The following SH3KBP1 variants were observed in gnomAD, a reference collection of about 807,000 sequenced individuals.
SH3KBP1 encodes SH3 domain-containing kinase-binding protein 1.
Under a neutral mutation model 50.1 loss-of-function variants are expected in SH3KBP1, and 8 were observed. That is an observed-to-expected ratio of 0.16 (90% CI 0.09 to 0.29). SH3KBP1 has a LOEUF of 0.29. Ranked by LOEUF, SH3KBP1 falls within the 10% of genes least tolerant of loss-of-function variation. The probability of loss-of-function intolerance (pLI) is 1.00; values close to 1 mark genes in which losing one functional copy is unlikely to be tolerated. For synonymous variants in SH3KBP1, 227 were observed against 218.6 expected, an observed-to-expected ratio of 1.04 and a Z score of -0.34; for missense variants, 377 against 535.2, an observed-to-expected ratio of 0.70 and a Z score of 2.92.
chrX:19,874,453 G>GT (rs1399920490), intron 1 of SH3KBP1, among the ~76,000 whole-genome samples: 1 of 71,396 alleles, frequency 1.4e-5, no homozygotes, highest in African/African-American at 5.4e-5. Context: ...AAAGTGGGGG[G>GT]GTGTGGAGGT....
chrX:19,716,563 C>A (rs1044986627), intron 3 of SH3KBP1, among the ~76,000 whole-genome samples: 1 of 111,874 alleles, frequency 8.9e-6, no homozygotes, highest in African/African-American at 3.3e-5. Context: ...AGTAGGGAAC[C>A]ATTTATTAGA....
chrX:19,824,439 T>C (rs1430169909), intron 2 of SH3KBP1, among the ~76,000 whole-genome samples: 1 of 111,367 alleles, frequency 9.0e-6, no homozygotes, highest in African/African-American at 3.3e-5. Flanking sequence ...ACCTGAACTT[T>C]TTAAAAGATT....
intron 12 of SH3KBP1, among the ~76,000 whole-genome samples, chrX:19,574,923 T>C (rs2066150774): frequency 8.9e-6 from 1 of 112,245 alleles, no homozygotes; most frequent in Non-Finnish European, 1.9e-5. Flanking sequence ...TAAGTTAAAA[T>C]GAGGCTGTTA....
At position 19,886,266 on chromosome X, in the gene SH3KBP1, A is replaced by C. The variant is rs1045785406; in HGVS notation, c.4+1041T>G. ...GCTTTCTGAACATCCTGACTAGTGTACTGGAATCCTATTACCTGAACACAG... is the reference window on the plus strand; with the variant it reads ...GCTTTCTGAACATCCTGACTAGTGTCCTGGAATCCTATTACCTGAACACAG... On this transcript the variant is annotated intron_variant, in intron 1 of 17. Transcript: ENST00000397821. 1.7e-4 allele frequency among the ~76,000 whole-genome samples: 19 copies of C among 112,224 alleles called. 1 individual carries two copies. Among genetic ancestry groups the C allele is most frequent in the Admixed American group, 1.5e-3 (16 of 10,632 alleles).
chrX:19,610,254 C>A (rs1233033999), intron 8 of SH3KBP1, among the ~76,000 whole-genome samples: 1 of 111,935 alleles, frequency 8.9e-6, no homozygotes, highest in African/African-American at 3.2e-5. Context: ...CTGCCCATGT[C>A]ACATCACCCC....
chrX:19,822,846 C>G (rs902037898), intron 2 of SH3KBP1, among the ~76,000 whole-genome samples: 3 of 112,130 alleles, frequency 2.7e-5, no homozygotes, highest in Non-Finnish European at 3.8e-5. Flanking sequence ...GCAGTTTTAA[C>G]GATAGTTTGA....
chrX:19,874,730 G>T (rs963429843), intron 1 of SH3KBP1, among the ~76,000 whole-genome samples: 1 of 102,632 alleles, frequency 9.7e-6, no homozygotes, highest in Non-Finnish European at 2.0e-5. Context: ...GGACAGTGAG[G>T]ATGCGGGGAG....
At chrX:19,791,527 C>A in intron 2 of SH3KBP1, among the ~76,000 whole-genome samples, 1 of 94,577 alleles carries the variant, frequency 1.1e-5, no homozygotes, top group Non-Finnish European at 2.0e-5. Flanking sequence ...TACAAAAATC[C>A]TAGAGAATGA....
intron 8 of SH3KBP1, among the ~76,000 whole-genome samples, chrX:19,615,302 C>T (rs758706025): frequency 8.9e-6 from 1 of 112,320 alleles, no homozygotes; most frequent in African/African-American, 3.2e-5. Flanking sequence ...ATGTATTCTG[C>T]TCAGTCACTT....
rs369001241 is a variant in SH3KBP1, at chrX:19,774,399, C to T, written c.163-27958G>A. Among the ~76,000 whole-genome samples, 9 of 110,890 alleles carry T rather than the reference C, an allele frequency of 8.1e-5. No individual in the cohort carries two copies. The South Asian group carries it at 1.1e-3, about 14-fold the overall frequency. ...TTTAAGAAACCTAAGCCGCCGGGCG[C>T]GGTGGCTCACACCTTTAATCCCAGC... On this transcript the variant is annotated intron_variant, in intron 2 of 17. Transcript: ENST00000397821.
intron 2 of SH3KBP1, among the ~76,000 whole-genome samples, chrX:19,822,256 T>C (rs1347998262): frequency 8.9e-6 from 1 of 112,295 alleles, no homozygotes. Flanking sequence ...TCAATATTGT[T>C]TATTATCATA....
intron 2 of SH3KBP1, among the ~76,000 whole-genome samples, chrX:19,790,574 G>A (rs1212671923): frequency 9.0e-6 from 1 of 111,155 alleles, no homozygotes; most frequent in Non-Finnish European, 1.9e-5. Flanking sequence ...ATACATATCT[G>A]ATCCAAGATA....
intron 2 of SH3KBP1, among the ~76,000 whole-genome samples, chrX:19,761,789 T>C (rs1030379504): frequency 1.2e-4 from 13 of 112,729 alleles, no homozygotes; most frequent in Non-Finnish European, 1.9e-4. Context: ...AAACTGTGTG[T>C]GGGTAACCAC....
At chrX:19,567,535 A>ATATATATATATAT (rs2065881141) in intron 13 of SH3KBP1, among the ~76,000 whole-genome samples, 1 of 62,390 alleles carries the variant, frequency 1.6e-5, no homozygotes, top group African/African-American at 8.0e-5. Flanking sequence ...AAAAAAAAAA[A>ATATATATATATAT]AAAAAAAAAA....
At chrX:19,669,662 C>T (rs1360791845) in intron 6 of SH3KBP1, among the ~76,000 whole-genome samples, 4 of 111,831 alleles carry the variant, frequency 3.6e-5, no homozygotes, top group African/African-American at 1.3e-4. Context: ...ACAAAGACAT[C>T]CAGCATAAGA....
intron 6 of SH3KBP1, among the ~76,000 whole-genome samples, chrX:19,669,536 G>A (rs1448510620): frequency 1.8e-5 from 2 of 110,278 alleles, no homozygotes; most frequent in Non-Finnish European, 3.8e-5. Context: ...ACTTTCCCAC[G>A]TTTTTCACAC....
chrX:19,802,474 C>T (rs760471999), intron 2 of SH3KBP1, among the ~76,000 whole-genome samples: 7 of 111,347 alleles, frequency 6.3e-5, no homozygotes, highest in Non-Finnish European at 1.1e-4. Flanking sequence ...TGTGACGGTG[C>T]GGCATACCCC....
intron 12 of SH3KBP1, among the ~76,000 whole-genome samples, chrX:19,578,815 C>A (rs1191930592): frequency 8.9e-6 from 1 of 112,046 alleles, no homozygotes; most frequent in Non-Finnish European, 1.9e-5. Flanking sequence ...TTGGATCCTT[C>A]CATCAGGAAA....
intron 3 of SH3KBP1, among the ~76,000 whole-genome samples, chrX:19,740,040 A>G (rs907840708): frequency 5.4e-5 from 6 of 111,261 alleles, no homozygotes; most frequent in Non-Finnish European, 1.1e-4. Context: ...AAAAAAATCT[A>G]AAAACCGATT....
Sources: gnomAD v4.1 joint callset for allele counts (sites outside exome capture counted in the v4.1 genomes callset) on GRCh38, gnomAD v4.1.1 for gene constraint, MANE v1.5 for transcripts, NCBI Gene and HGNC (gene_info 2026-07-23, HGNC 2026-07-21) for gene names.